The following TUSC3 variants were observed in gnomAD, a reference collection of about 807,000 sequenced individuals.
TUSC3 encodes dolichyl-diphosphooligosaccharide--protein glycosyltransferase subunit TUSC3.
TUSC3 carries 45 observed loss-of-function variants against 44.8 expected under a neutral mutation model. That is an observed-to-expected ratio of 1.00 (90% CI 0.79 to 1.29). The LOEUF (loss-of-function observed/expected upper bound fraction) is 1.29. Among genes scored for constraint, TUSC3 ranks in the 50% most tolerant of loss-of-function variants. The pLI is 0.00. For missense variants in TUSC3, 519 were observed against 437.9 expected (o/e 1.19, Z -1.65); for synonymous variants, 212 against 152.9 (o/e 1.39, Z -2.85).
intron 2 of TUSC3, among the ~76,000 whole-genome samples, chr8:15,639,979 G>C (rs1191523632): frequency 6.6e-6 from 1 of 152,112 alleles, no homozygotes; most frequent in Non-Finnish European, 1.5e-5. Context: ...AACATAGCAG[G>C]CCTGAGATTG....
chr8:15,825,891 T>C, the TUSC3 span, among the ~76,000 whole-genome samples: 11 of 150,562 alleles, frequency 7.3e-5, no homozygotes, highest in Admixed American at 1.3e-4. Flanking sequence ...GTTTCTTTTT[T>C]TTTTTTTTTT....
intron 1 of TUSC3, among the ~76,000 whole-genome samples, chr8:15,600,720 CTCT>C (rs1364584275): frequency 6.6e-6 from 1 of 151,640 alleles, no homozygotes; most frequent in Non-Finnish European, 1.5e-5. Context: ...AAATCACTTT[CTCT>C]TCTTGCACCC....
intron 1 of TUSC3, among the ~76,000 whole-genome samples, chr8:15,425,773 A>G (rs1799796232): frequency 6.6e-6 from 1 of 152,232 alleles, no homozygotes; most frequent in South Asian, 2.1e-4. Context: ...TCCCTGTGAA[A>G]AACAGGGGTT....
the TUSC3 span, among the ~76,000 whole-genome samples, chr8:15,827,994 C>CTA: frequency 7.2e-6 from 1 of 138,150 alleles, no homozygotes; most frequent in African/African-American, 2.7e-5. Flanking sequence ...AATTTGGTAT[C>CTA]TTTTTTTTTT....
chr8:15,638,958 T>A (rs1202782158), intron 2 of TUSC3, among the ~76,000 whole-genome samples: 1 of 151,770 alleles, frequency 6.6e-6, no homozygotes, highest in African/African-American at 2.4e-5. Flanking sequence ...TCAGTGATGA[T>A]GATCATGTGT....
chr8:15,847,605 A>G, the TUSC3 span, among the ~76,000 whole-genome samples: 46 of 152,300 alleles, frequency 3.0e-4, no homozygotes, highest in African/African-American at 1.0e-3. Flanking sequence ...GGGATTTTAA[A>G]GTACTTTTAA....
chr8:15,792,351 A>G, the TUSC3 span, among the ~76,000 whole-genome samples: 1 of 152,206 alleles, frequency 6.6e-6, no homozygotes, highest in Non-Finnish European at 1.5e-5. Flanking sequence ...GAATTAAATC[A>G]GGCTGATGTT....
chr8:15,846,685 C>A, the TUSC3 span, among the ~76,000 whole-genome samples: 2 of 151,910 alleles, frequency 1.3e-5, no homozygotes, highest in South Asian at 2.1e-4. Flanking sequence ...CACATGGACA[C>A]AGGGAGGGGA....
intron 1 of TUSC3, among the ~76,000 whole-genome samples, chr8:15,615,453 T>G (rs1010120167): frequency 6.6e-6 from 1 of 152,096 alleles, no homozygotes; most frequent in African/African-American, 2.4e-5. Flanking sequence ...AGAATTACAA[T>G]TATTAGAGGA....
At chr8:15,575,750 G>C (rs1161025774) in intron 1 of TUSC3, among the ~76,000 whole-genome samples, 1 of 152,128 alleles carries the variant, frequency 6.6e-6, no homozygotes, top group Non-Finnish European at 1.5e-5. Context: ...TTGGGTGACA[G>C]AGTGAGACTC....
At chr8:15,830,968 C>T in the TUSC3 span, among the ~76,000 whole-genome samples, 1 of 150,628 alleles carries the variant, frequency 6.6e-6, no homozygotes, top group South Asian at 2.1e-4. Context: ...CTGTCACTGC[C>T]ACCACTGCTG....
chr8:15,573,893 T>C (rs1563297498), intron 1 of TUSC3, among the ~76,000 whole-genome samples: 1 of 151,864 alleles, frequency 6.6e-6, no homozygotes, highest in East Asian at 1.9e-4. Flanking sequence ...GTTCCAAATA[T>C]GGGGGGTGAT....
At chr8:15,504,854 G>A (rs570477124) in intron 2 of TUSC3, among the ~76,000 whole-genome samples, 10 of 151,046 alleles carry the variant, frequency 6.6e-5, no homozygotes, top group Admixed American at 2.0e-4. Context: ...GGGTTTCACC[G>A]TGTTAGCCAG....
At chr8:15,444,235 T>C (rs567084859) in intron 1 of TUSC3, among the ~76,000 whole-genome samples, 1 of 152,174 alleles carries the variant, frequency 6.6e-6, no homozygotes, top group Non-Finnish European at 1.5e-5. Context: ...AGACGAGCCT[T>C]CATGCTGTTA....
intron 2 of TUSC3, among the ~76,000 whole-genome samples, chr8:15,516,863 G>T (rs1023321225): frequency 5.3e-5 from 8 of 152,130 alleles, no homozygotes; most frequent in African/African-American, 1.7e-4. Context: ...TTTTACAGTA[G>T]TATAAATATT....
At chr8:15,528,496 C>G (rs74868996) in intron 2 of TUSC3, among the ~76,000 whole-genome samples, 5 of 152,122 alleles carry the variant, frequency 3.3e-5, no homozygotes, top group Non-Finnish European at 7.4e-5. Flanking sequence ...CCATGAGAAC[C>G]ACAACTTCAA....
chr8:15,417,292 T>C (rs1799672855), exon 1 of TUSC3: 2 of 152,542 alleles, frequency 1.3e-5, no homozygotes, highest in Non-Finnish European at 2.9e-5. Flanking sequence ...GCTTCCTGCA[T>C]AGCCTGCAGA....
chr8:15,709,441 C>T (rs982299154), intron 6 of TUSC3, among the ~76,000 whole-genome samples: 1 of 151,852 alleles, frequency 6.6e-6, no homozygotes, highest in Non-Finnish European at 1.5e-5. Context: ...ATTGAACTAG[C>T]TCTAGTTAAT....
At chr8:15,773,166 A>G in the TUSC3 span, among the ~76,000 whole-genome samples, 11 of 152,204 alleles carry the variant, frequency 7.2e-5, no homozygotes, top group African/African-American at 2.7e-4. Context: ...AAAGACAACC[A>G]AATTGGAAAG....
Sources: allele counts gnomAD v4.1 joint callset (sites outside exome capture counted in the v4.1 genomes callset), GRCh38; gene constraint gnomAD v4.1.1; transcripts MANE v1.5; gene names NCBI Gene and HGNC (gene_info 2026-07-23, HGNC 2026-07-21).